Variants in TEKT5 observed in about 807,000 individuals in gnomAD.
The protein encoded by TEKT5 is tektin-5.
In TEKT5, 52 loss-of-function variants were observed where a neutral mutation model predicts 48.7. The ratio of observed to expected loss-of-function variants is 1.07; its 90% CI spans 0.86 to 1.35. TEKT5 has a LOEUF of 1.35. TEKT5 is among the 40% of genes most tolerant of loss of function. The pLI, the probability that TEKT5 is intolerant of heterozygous loss-of-function variation, is 0.00. For synonymous variants in TEKT5, 318 were observed against 267.6 expected, an observed-to-expected ratio of 1.19 and a Z score of -1.84; for missense variants, 831 against 641.6, an observed-to-expected ratio of 1.30 and a Z score of -3.19.
At chr16:10,652,151 G>A (rs1184463669) in intron 5 of TEKT5, among the ~76,000 whole-genome samples, 3 of 152,076 alleles carry the variant, frequency 2.0e-5, no homozygotes, top group Admixed American at 6.5e-5. Flanking sequence ...CCAGCAATGC[G>A]ATTAGCACAG....
chr16:10,676,253 G>C lies in TEKT5; in HGVS notation c.864-72C>G, dbSNP rs1261482256. 9.6e-6 allele frequency: 14 copies of C among 1,455,796 alleles called. No individual in the cohort carries two copies. The African/African-American group carries it at 9.8e-5, about 10-fold the overall frequency. 90.2% of individuals were successfully genotyped at this position (1,455,796 alleles called of 1,614,324 possible). ...AATCTGTGGTTTCTCCGCCTTGGCA[G>C]TCTTGGCCTCTGGGTCGGGATTATT... On this transcript the variant is annotated intron_variant, in intron 4 of 6. Transcript: ENST00000283025.
chr16:10,692,424 T>C (rs1490137905), intron 1 of TEKT5, among the ~76,000 whole-genome samples: 1 of 152,150 alleles, frequency 6.6e-6, no homozygotes, highest in Non-Finnish European at 1.5e-5. Context: ...CCCCTGTAGC[T>C]GCAGGAGGCT....
intron 3 of TEKT5, among the ~76,000 whole-genome samples, chr16:10,682,948 G>A (rs1205223451): frequency 3.3e-5 from 5 of 152,296 alleles, no homozygotes; most frequent in Non-Finnish European, 5.9e-5. Flanking sequence ...GCTGGGCACC[G>A]AGGGATGAGA....
chr16:10,631,250 C>T (rs1897835747), intron 6 of TEKT5, among the ~76,000 whole-genome samples: 3 of 111,226 alleles, frequency 2.7e-5, no homozygotes, highest in Admixed American at 9.9e-5. Flanking sequence ...AGCAAGACTC[C>T]ATCTCAAAAA....
chr16:10,645,262 C>T (rs1312086540), intron 5 of TEKT5, among the ~76,000 whole-genome samples: 2 of 152,166 alleles, frequency 1.3e-5, no homozygotes, highest in Non-Finnish European at 2.9e-5. Flanking sequence ...TAATCCTAAA[C>T]ACTTTGAGAG....
chr16:10,691,741 G>T (rs1275715380), intron 1 of TEKT5, among the ~76,000 whole-genome samples: 4 of 152,138 alleles, frequency 2.6e-5, no homozygotes, highest in Non-Finnish European at 5.9e-5. Flanking sequence ...GAGGTCAAGA[G>T]ATCAAGACCA....
chr16:10,652,451 AACACACACACACACAC>A (rs572277672), intron 5 of TEKT5, among the ~76,000 whole-genome samples: 19 of 66,756 alleles, frequency 2.8e-4, no homozygotes, highest in South Asian at 2.0e-3. Flanking sequence ...TACACAGGCA[AACACACACACACACAC>A]ACACACACAC....
chr16:10,646,958 TG>T (rs1356422604), intron 5 of TEKT5, among the ~76,000 whole-genome samples: 1 of 152,198 alleles, frequency 6.6e-6, no homozygotes, highest in East Asian at 1.9e-4. Flanking sequence ...CTCCCCTTTG[TG>T]GGGGCAGTGG....
intron 5 of TEKT5, among the ~76,000 whole-genome samples, chr16:10,646,633 T>A (rs768800511): frequency 6.6e-6 from 1 of 152,124 alleles, no homozygotes; most frequent in Non-Finnish European, 1.5e-5. Flanking sequence ...GCTTCTGTAT[T>A]AGCTTAAGAA....
chr16:10,692,092 G>C (rs1279565695), intron 1 of TEKT5, among the ~76,000 whole-genome samples: 4 of 152,126 alleles, frequency 2.6e-5, no homozygotes, highest in East Asian at 1.9e-4. Context: ...TGGATTGTGG[G>C]GGCAGCCTAG....
At chr16:10,645,312 C>A (rs922152651) in intron 5 of TEKT5, among the ~76,000 whole-genome samples, 3 of 152,066 alleles carry the variant, frequency 2.0e-5, no homozygotes, top group Non-Finnish European at 4.4e-5. Context: ...GAGTTCGAGA[C>A]CAGCCTGGGC....
At chr16:10,642,420 C>T (rs911199449) in intron 5 of TEKT5, among the ~76,000 whole-genome samples, 2 of 152,180 alleles carry the variant, frequency 1.3e-5, no homozygotes, top group African/African-American at 2.4e-5. Context: ...AAATGATCCT[C>T]ATTAGCCATT....
chr16:10,667,877 ATAATT>A (rs373472684), intron 5 of TEKT5, among the ~76,000 whole-genome samples: 51,057 of 151,100 alleles, frequency 0.34, 9,685 homozygotes, highest in East Asian at 0.55. Context: ...AAATAAGTTA[ATAATT>A]TTTTTTTTTT....
At chr16:10,638,896 T>C (rs1295096205) in intron 5 of TEKT5, among the ~76,000 whole-genome samples, 5 of 152,224 alleles carry the variant, frequency 3.3e-5, no homozygotes. Context: ...AAGTACTATC[T>C]GCAAGTGATG....
chr16:10,628,893 G>A (rs1035169017), intron 6 of TEKT5, among the ~76,000 whole-genome samples: 15 of 128,566 alleles, frequency 1.2e-4, no homozygotes, highest in African/African-American at 4.6e-4. Flanking sequence ...GAGCCTGAGC[G>A]AAACTCTGTC....
intron 5 of TEKT5, among the ~76,000 whole-genome samples, chr16:10,659,408 C>T (rs543509655): frequency 6.6e-6 from 1 of 152,186 alleles, no homozygotes; most frequent in South Asian, 2.1e-4. Flanking sequence ...GAGATGGAGC[C>T]TCGCTTTGTC....
intron 5 of TEKT5, among the ~76,000 whole-genome samples, chr16:10,660,883 T>C (rs1334969980): frequency 6.6e-6 from 1 of 152,090 alleles, no homozygotes; most frequent in Non-Finnish European, 1.5e-5. Context: ...GTATTTTTAG[T>C]TGAGATGTGG....
intron 5 of TEKT5, among the ~76,000 whole-genome samples, chr16:10,636,457 G>A (rs1194817293): frequency 2.6e-5 from 4 of 151,976 alleles, no homozygotes; most frequent in Admixed American, 6.6e-5. Context: ...CATGGAAGAC[G>A]GGCCAGTATC....
At chr16:10,667,965 C>A (rs1013796915) in intron 5 of TEKT5, among the ~76,000 whole-genome samples, 1 of 151,944 alleles carries the variant, frequency 6.6e-6, no homozygotes, top group Non-Finnish European at 1.5e-5. Context: ...GCAACCTCCA[C>A]CTCCCAGGTT....
Sources: allele counts gnomAD v4.1 joint callset (sites outside exome capture counted in the v4.1 genomes callset), GRCh38; gene constraint gnomAD v4.1.1; transcripts MANE v1.5; gene names NCBI Gene and HGNC (gene_info 2026-07-23, HGNC 2026-07-21).